Variants in TP63 observed in about 807,000 individuals in gnomAD.
TP63 encodes tumor protein p63, also known as tumor protein 63.
In TP63, 17 loss-of-function variants were observed where a neutral mutation model predicts 82.8. The observed-to-expected ratio is 0.21, with a 90% CI of 0.14 to 0.31. The LOEUF is 0.31. Among genes scored for constraint, TP63 ranks in the 10% least tolerant of loss-of-function variants. The pLI is 1.00. For synonymous variants in TP63, 330 were observed against 321.7 expected (o/e 1.03, Z -0.28); for missense variants, 648 against 895.3 (o/e 0.72, Z 3.52).
intron 1 of TP63, among the ~76,000 whole-genome samples, chr3:189,632,674 C>T (rs1729534645): frequency 6.6e-6 from 1 of 152,022 alleles, no homozygotes; most frequent in Non-Finnish European, 1.5e-5. Flanking sequence ...TTTGGGGTCT[C>T]CAAGGTTTCA....
chr3:189,870,269 G>C lies in TP63; in HGVS notation c.1212+863G>C, dbSNP rs562127381. ...TACAGTCAGCCCTCCCTATCTGCCTGTTCCATATCTGCAGATTCAACCAAT... is the reference window on the plus strand; with the variant it reads ...TACAGTCAGCCCTCCCTATCTGCCTCTTCCATATCTGCAGATTCAACCAAT... On this transcript the variant is annotated intron_variant, in intron 9 of 13. Coordinates refer to ENST00000264731, the MANE Select transcript of TP63 (RefSeq NM_003722.5). 3.9e-5 allele frequency among the ~76,000 whole-genome samples: 6 copies of C among 152,246 alleles called. No homozygotes were observed. The East Asian group carries it at 9.6e-4, about 24-fold the overall frequency.
the TP63 span, among the ~76,000 whole-genome samples, chr3:189,620,496 A>T: frequency 7.3e-6 from 1 of 137,788 alleles, no homozygotes; most frequent in Non-Finnish European, 1.6e-5. Flanking sequence ...GCGACAGAGC[A>T]AGACTCCATC....
intron 4 of TP63, among the ~76,000 whole-genome samples, chr3:189,817,625 C>T (rs1226070309): frequency 6.6e-6 from 1 of 151,980 alleles, no homozygotes; most frequent in Non-Finnish European, 1.5e-5. Flanking sequence ...CATAACGATG[C>T]TTACAATTCA....
chr3:189,656,508 C>T (rs1439233815), intron 1 of TP63, among the ~76,000 whole-genome samples: 1 of 152,048 alleles, frequency 6.6e-6, no homozygotes, highest in Admixed American at 6.6e-5. Context: ...AAATGTACCT[C>T]AACCAATCAT....
chr3:189,793,806 T>TA (rs1053603665), intron 3 of TP63, among the ~76,000 whole-genome samples: 64 of 152,210 alleles, frequency 4.2e-4, no homozygotes, highest in African/African-American at 1.5e-3. Context: ...ATTTTGAAGA[T>TA]AAAAAATTGT....
At chr3:189,765,558 G>T (rs899872939) in intron 3 of TP63, among the ~76,000 whole-genome samples, 3 of 148,886 alleles carry the variant, frequency 2.0e-5, no homozygotes, top group African/African-American at 7.4e-5. Flanking sequence ...TCAGCCTCCC[G>T]AGTAGCTGGG....
At chr3:189,612,598 C>A in the TP63 span, among the ~76,000 whole-genome samples, 25 of 152,010 alleles carry the variant, frequency 1.6e-4, no homozygotes, top group Non-Finnish European at 3.2e-4. Flanking sequence ...AAAAGATATT[C>A]GAAAATGTGG....
chr3:189,843,931 G>A (rs1229511128), intron 4 of TP63, among the ~76,000 whole-genome samples: 1 of 152,080 alleles, frequency 6.6e-6, no homozygotes, highest in Non-Finnish European at 1.5e-5. Flanking sequence ...ACAAAACTGG[G>A]GTCCTAGTCA....
chr3:189,621,163 A>G, the TP63 span, among the ~76,000 whole-genome samples: 13 of 152,208 alleles, frequency 8.5e-5, no homozygotes, highest in African/African-American at 2.9e-4. Context: ...ACTACAGAAA[A>G]GTATAAAGAA....
intron 3 of TP63, among the ~76,000 whole-genome samples, chr3:189,743,503 A>AACACAC (rs10524434): frequency 0.048 from 7,266 of 150,844 alleles, 241 homozygotes; most frequent in South Asian, 0.11. Context: ...TACAAACACA[A>AACACAC]ACACACACAC....
chr3:189,674,012 G>T (rs1715167286), intron 1 of TP63, among the ~76,000 whole-genome samples: 1 of 152,010 alleles, frequency 6.6e-6, no homozygotes, highest in Admixed American at 6.6e-5. Context: ...TTTGAATAAA[G>T]AAAACAACAT....
At chr3:189,887,423 A>G (rs1720567054) in intron 11 of TP63, among the ~76,000 whole-genome samples, 1 of 152,260 alleles carries the variant, frequency 6.6e-6, no homozygotes, top group Middle Eastern at 3.4e-3. Flanking sequence ...GAACTGATCT[A>G]CGAAGGAACC....
At chr3:189,788,240 T>C (rs1005411634) in intron 3 of TP63, among the ~76,000 whole-genome samples, 18 of 152,020 alleles carry the variant, frequency 1.2e-4, no homozygotes, top group African/African-American at 4.1e-4. Flanking sequence ...ATACTCAAGA[T>C]CAAATTATAT....
At chr3:189,770,594 T>C (rs535360925) in intron 3 of TP63, among the ~76,000 whole-genome samples, 149 of 152,206 alleles carry the variant, frequency 9.8e-4, no homozygotes, top group African/African-American at 3.5e-3. Flanking sequence ...TGACATCTAT[T>C]AAGAAATTTG....
At chr3:189,609,124 A>G in the TP63 span, among the ~76,000 whole-genome samples, 1 of 152,148 alleles carries the variant, frequency 6.6e-6, no homozygotes, top group South Asian at 2.1e-4. Context: ...CTGATGAAAA[A>G]TACACACCAT....
intron 3 of TP63, among the ~76,000 whole-genome samples, chr3:189,744,441 C>T (rs1206252045): frequency 6.6e-6 from 1 of 152,150 alleles, no homozygotes; most frequent in Admixed American, 6.5e-5. Context: ...AGGACAGGTT[C>T]GCCCAACTTG....
At chr3:189,773,490 C>T (rs748935241) in intron 3 of TP63, among the ~76,000 whole-genome samples, 3 of 152,180 alleles carry the variant, frequency 2.0e-5, no homozygotes, top group Non-Finnish European at 4.4e-5. Context: ...CTTGTTAATT[C>T]ACACAAAGAG....
At chr3:189,599,174 A>T in the TP63 span, among the ~76,000 whole-genome samples, 6 of 152,190 alleles carry the variant, frequency 3.9e-5, no homozygotes, top group African/African-American at 1.4e-4. Flanking sequence ...TTCAAACTTT[A>T]CGTTTATAAT....
At chr3:189,756,124 T>C (rs1246435969) in intron 3 of TP63, among the ~76,000 whole-genome samples, 1 of 152,202 alleles carries the variant, frequency 6.6e-6, no homozygotes, top group Non-Finnish European at 1.5e-5. Context: ...CCCTTTTCCT[T>C]CTTAACCCTT....
Sources: allele counts gnomAD v4.1 joint callset (sites outside exome capture counted in the v4.1 genomes callset), GRCh38; gene constraint gnomAD v4.1.1; transcripts MANE v1.5; gene names NCBI Gene and HGNC (gene_info 2026-07-23, HGNC 2026-07-21).